Variants in BBS9 observed in about 807,000 individuals in gnomAD.
The protein encoded by BBS9 is Bardet-Biedl syndrome 9, also known as protein PTHB1.
Under a neutral mutation model 117.7 loss-of-function variants are expected in BBS9, and 89 were observed. The ratio of observed to expected loss-of-function variants is 0.76; its 90% confidence interval spans 0.64 to 0.90. The LOEUF (loss-of-function observed/expected upper bound fraction) is 0.90. Among genes scored for constraint, BBS9 ranks in the 40% least tolerant of loss-of-function variants. The pLI, the probability that BBS9 is intolerant of heterozygous loss-of-function variation, is 0.00. For missense variants in BBS9, 982 were observed against 1,042.2 expected (o/e 0.94, Z 0.80); for synonymous variants, 379 against 370.9 (o/e 1.02, Z -0.25).
chr7:33,413,996 C>T (rs1477395655), intron 19 of BBS9, among the ~76,000 whole-genome samples: 1 of 152,066 alleles, frequency 6.6e-6, no homozygotes, highest in Non-Finnish European at 1.5e-5. Context: ...TGCACTCCAG[C>T]CTGGACAATA....
intron 19 of BBS9, among the ~76,000 whole-genome samples, chr7:33,417,998 A>G (rs1832282266): frequency 6.6e-6 from 1 of 152,144 alleles, no homozygotes; most frequent in African/African-American, 2.4e-5. Context: ...TTCTTTGAGG[A>G]CAGGGACCAT....
intron 9 of BBS9, among the ~76,000 whole-genome samples, chr7:33,323,105 T>A (rs376148292): frequency 6.6e-6 from 1 of 152,292 alleles, no homozygotes; most frequent in East Asian, 1.9e-4. Context: ...ATATTCTTGA[T>A]GTTGTTTCAG....
intron 19 of BBS9, among the ~76,000 whole-genome samples, chr7:33,410,221 A>G (rs1251345733): frequency 6.6e-6 from 1 of 152,152 alleles, no homozygotes; most frequent in Non-Finnish European, 1.5e-5. Flanking sequence ...TTATTCTTCA[A>G]TTTATTTTCA....
intron 16 of BBS9, among the ~76,000 whole-genome samples, chr7:33,365,243 T>A (rs546212573): frequency 1.3e-4 from 20 of 152,312 alleles, no homozygotes; most frequent in African/African-American, 4.3e-4. Flanking sequence ...TTTTCGTGTT[T>A]CTTGTTGCCA....
chr7:33,440,504 G>A (rs1836001677), intron 19 of BBS9, among the ~76,000 whole-genome samples: 1 of 152,100 alleles, frequency 6.6e-6, no homozygotes, highest in African/African-American at 2.4e-5. Context: ...GTGCTTGGTG[G>A]GGATGCTACT....
At chr7:33,269,366 T>C (rs1057474342) in intron 7 of BBS9, among the ~76,000 whole-genome samples, 5 of 152,188 alleles carry the variant, frequency 3.3e-5, no homozygotes, top group Admixed American at 2.6e-4. Context: ...ATACAATATA[T>C]GCCTGTCAGG....
At chr7:33,488,499 C>A (rs1329949528) in intron 19 of BBS9, among the ~76,000 whole-genome samples, 1 of 152,238 alleles carries the variant, frequency 6.6e-6, no homozygotes, top group African/African-American at 2.4e-5. Context: ...CCAGTACTAA[C>A]CTCCTGTGTG....
At chr7:33,527,542 C>G (rs533767846) in intron 20 of BBS9, among the ~76,000 whole-genome samples, 98 of 152,286 alleles carry the variant, frequency 6.4e-4, no homozygotes, top group African/African-American at 2.2e-3. Flanking sequence ...TTCTTTGACT[C>G]GGAAAGGGAA....
intron 10 of BBS9, among the ~76,000 whole-genome samples, chr7:33,338,934 G>T (rs557170827): frequency 6.6e-6 from 1 of 152,316 alleles, no homozygotes; most frequent in African/African-American, 2.4e-5. Flanking sequence ...ACAGAGAGCA[G>T]TAAGACGTGG....
chr7:33,330,628 T>C (rs1813830919), intron 9 of BBS9, among the ~76,000 whole-genome samples: 1 of 152,212 alleles, frequency 6.6e-6, no homozygotes, highest in South Asian at 2.1e-4. Flanking sequence ...TTTGTTTTAA[T>C]GTGTTGTTAA....
At chr7:33,193,240 T>C (rs1294496972) in intron 5 of BBS9, among the ~76,000 whole-genome samples, 6 of 152,182 alleles carry the variant, frequency 3.9e-5, no homozygotes, top group African/African-American at 1.4e-4. Flanking sequence ...TTCTTTTTTT[T>C]GTTGTTTTAG....
At chr7:33,403,203 G>A (rs1196337970) in intron 19 of BBS9, among the ~76,000 whole-genome samples, 1 of 151,458 alleles carries the variant, frequency 6.6e-6, no homozygotes, top group Non-Finnish European at 1.5e-5. Context: ...CCCAGGTAGT[G>A]AACATGGTAC....
chr7:33,454,909 C>T (rs1251855732), intron 19 of BBS9, among the ~76,000 whole-genome samples: 1 of 152,186 alleles, frequency 6.6e-6, no homozygotes, highest in Non-Finnish European at 1.5e-5. Context: ...CCATTCTGGC[C>T]TCTCAAAAGT....
chr7:33,432,218 C>G (rs1301685967), intron 19 of BBS9, among the ~76,000 whole-genome samples: 2 of 151,308 alleles, frequency 1.3e-5, no homozygotes. Flanking sequence ...ACGCCGTTCT[C>G]TTGCCTCAGC....
intron 9 of BBS9, among the ~76,000 whole-genome samples, chr7:33,314,869 A>T (rs554987002): frequency 7.2e-5 from 11 of 152,234 alleles, no homozygotes; most frequent in Non-Finnish European, 1.6e-4. Context: ...GGTAGGAGTG[A>T]TGTATTTTAT....
intron 21 of BBS9, among the ~76,000 whole-genome samples, chr7:33,540,987 A>G (rs1585183417): frequency 6.6e-6 from 1 of 152,200 alleles, no homozygotes; most frequent in East Asian, 1.9e-4. Context: ...AGGTTTCCTC[A>G]TAGAACATTC....
At chr7:33,599,103 A>G (rs1563428640) in intron 21 of BBS9, among the ~76,000 whole-genome samples, 2 of 152,182 alleles carry the variant, frequency 1.3e-5, no homozygotes, top group Non-Finnish European at 2.9e-5. Flanking sequence ...GGTTTAGGCT[A>G]TTTGAATTAC....
intron 19 of BBS9, among the ~76,000 whole-genome samples, chr7:33,472,675 A>G (rs1841216195): frequency 6.6e-6 from 1 of 152,176 alleles, no homozygotes; most frequent in Admixed American, 6.5e-5. Context: ...TTTATAGTTG[A>G]AATTAATGGC....
intron 5 of BBS9, among the ~76,000 whole-genome samples, chr7:33,204,028 G>A (rs1175288851): frequency 2.7e-5 from 4 of 148,010 alleles, no homozygotes; most frequent in African/African-American, 4.9e-5. Flanking sequence ...CGGCCAGAAC[G>A]AACACTACTT....
Sources: allele counts gnomAD v4.1 joint callset (sites outside exome capture counted in the v4.1 genomes callset), GRCh38; gene constraint gnomAD v4.1.1; transcripts MANE v1.5; gene names NCBI Gene and HGNC (gene_info 2026-07-23, HGNC 2026-07-21).